The following DNAAF11 variants were observed in gnomAD, a reference collection of about 807,000 sequenced individuals.
DNAAF11 encodes the protein leucine rich repeat containing 6.
A neutral mutation model predicts 60.8 loss-of-function variants in DNAAF11; 45 were observed. That is an observed-to-expected ratio of 0.74 (90% CI 0.58 to 0.95). DNAAF11 has a LOEUF of 0.95. DNAAF11 is among the 40% of genes least tolerant of loss of function. The pLI, the probability that DNAAF11 is intolerant of heterozygous loss-of-function variation, is 0.00. For missense variants in DNAAF11, 546 were observed against 546.2 expected (o/e 1.00, Z 0.00); for synonymous variants, 191 against 183.5 (o/e 1.04, Z -0.33).
chr8:132,681,467 G>A, the DNAAF11 span, among the ~76,000 whole-genome samples: 4 of 151,952 alleles, frequency 2.6e-5, no homozygotes, highest in Non-Finnish European at 5.9e-5. Flanking sequence ...AAACTTAACT[G>A]TATCGCTTGT....
rs377220897 is a variant in DNAAF11, at chr8:132,583,688, T to C, written c.1226+6A>G. The C allele has an allele frequency of 1.9e-4, 301 of 1,610,050 alleles. No homozygotes were observed. In the African/African-American group the frequency reaches 3.7e-3, roughly 20 times the overall value. On this transcript the variant is annotated splice_donor_region_variant and intron_variant, in intron 11 of 11. Coordinates refer to ENST00000620350, the MANE Select transcript of DNAAF11 (RefSeq NM_012472.6). ...TACAGCTAAGGACAGTCTGGGAGGG[T>C]GGTACCTTGTATTTGTTTGTTCTCT...
At chr8:132,677,666 C>G (rs1357915797), upstream of DNAAF11, among the ~76,000 whole-genome samples, 2 of 152,040 alleles carry the variant, frequency 1.3e-5, no homozygotes, top group East Asian at 3.9e-4. Context: ...ACTGCTTGAG[C>G]CCAGGAGTTC....
chr8:132,681,523 T>G, the DNAAF11 span, among the ~76,000 whole-genome samples: 2 of 152,082 alleles, frequency 1.3e-5, no homozygotes, highest in Non-Finnish European at 2.9e-5. Flanking sequence ...GTTGATCTAC[T>G]GCATCCAACA....
At chr8:132,690,455 A>T in the DNAAF11 span, among the ~76,000 whole-genome samples, 89,762 of 152,080 alleles carry the variant, frequency 0.59, 29,211 homozygotes, top group African/African-American at 0.89. Context: ...CTTGCCGAAC[A>T]GTGAGTCAAT....
At chr8:132,691,135 T>C in the DNAAF11 span, among the ~76,000 whole-genome samples, 1 of 152,156 alleles carries the variant, frequency 6.6e-6, no homozygotes, top group African/African-American at 2.4e-5. Context: ...TTCTTCTCCA[T>C]AGGAGAAGAG....
intron 3 of DNAAF11, chr8:132,643,652 T>A (rs1395474496): frequency 2.2e-6 from 1 of 456,220 alleles, no homozygotes; most frequent in East Asian, 6.9e-5. Flanking sequence ...GAACAAAATC[T>A]GCATCGTCCA....
chr8:132,701,102 G>C, the DNAAF11 span, among the ~76,000 whole-genome samples: 2 of 152,172 alleles, frequency 1.3e-5, no homozygotes, highest in African/African-American at 4.8e-5. Flanking sequence ...TGTCTATGAA[G>C]AGGGAGCCCT....
chr8:132,682,974 T>C, the DNAAF11 span, among the ~76,000 whole-genome samples: 1 of 152,144 alleles, frequency 6.6e-6, no homozygotes, highest in African/African-American at 2.4e-5. Flanking sequence ...CACTCATCTA[T>C]TTATGAGGGA....
In DNAAF11 at chr8:132,632,907, A is replaced by C. The variant is rs1820945394; in HGVS notation, c.486T>G (p.Tyr162Ter). The C allele has an allele frequency of 6.2e-7, 1 of 1,613,794 alleles. No homozygotes were observed. Among genetic ancestry groups the C allele is most frequent in the Non-Finnish European group, 8.5e-7 (1 of 1,179,918 alleles). ...PSERIKALQD[Y>*]SVIEPQIREQ... ...CTCTGATTTGTGGTTCAATTACTGA[A>C]TAGTCCTGCAATGCCTTAATCCTTT... Residue 162 changes from tyrosine (Y) to a stop codon, truncating the protein, a stop_gained, in exon 5 of 12, where the codon TAT becomes TAG. Coordinates refer to ENST00000620350, the MANE Select transcript of DNAAF11 (RefSeq NM_012472.6). LOFTEE classifies it high-confidence loss of function.
At chr8:132,639,678 G>A (rs920077315) in intron 3 of DNAAF11, among the ~76,000 whole-genome samples, 3 of 152,096 alleles carry the variant, frequency 2.0e-5, no homozygotes, top group African/African-American at 4.8e-5. Context: ...AGAATTCCAC[G>A]TTTTCCTCTT....
chr8:132,649,372 T>C (rs1179175514), intron 3 of DNAAF11, among the ~76,000 whole-genome samples: 1 of 152,292 alleles, frequency 6.6e-6, no homozygotes, highest in Non-Finnish European at 1.5e-5. Context: ...TAATTTGAGA[T>C]GGATTAAAGA....
chr8:132,645,152 G>C (rs934906370), intron 3 of DNAAF11, among the ~76,000 whole-genome samples: 1 of 152,308 alleles, frequency 6.6e-6, no homozygotes, highest in East Asian at 1.9e-4. Flanking sequence ...GGTAGGATCA[G>C]GCAGCAACAT....
intron 11 of DNAAF11, among the ~76,000 whole-genome samples, chr8:132,576,855 C>T (rs1316179019): frequency 2.0e-5 from 3 of 152,176 alleles, no homozygotes; most frequent in Non-Finnish European, 4.4e-5. Flanking sequence ...ATCCCTTCCC[C>T]ACCTCACTGA....
chr8:132,600,262 A>G (rs529342661), intron 10 of DNAAF11, among the ~76,000 whole-genome samples: 2,190 of 152,126 alleles, frequency 0.014, 53 homozygotes, highest in African/African-American at 0.05. Context: ...ACTGCTCAAC[A>G]AAATAAAAGA....
At chr8:132,687,133 T>A in the DNAAF11 span, among the ~76,000 whole-genome samples, 2 of 152,202 alleles carry the variant, frequency 1.3e-5, no homozygotes, top group African/African-American at 4.8e-5. Flanking sequence ...CCAGTTGTAG[T>A]CTAACTGTTG....
chr8:132,589,202 A>G (rs147611572), intron 10 of DNAAF11, among the ~76,000 whole-genome samples: 44 of 152,338 alleles, frequency 2.9e-4, no homozygotes, highest in Non-Finnish European at 5.7e-4. Context: ...CATGTAGTAG[A>G]TAAGGAATAT....
chr8:132,689,992 A>G, the DNAAF11 span, among the ~76,000 whole-genome samples: 1 of 152,216 alleles, frequency 6.6e-6, no homozygotes, highest in Non-Finnish European at 1.5e-5. Context: ...CTGGGATTAC[A>G]GGCATGAACC....
chr8:132,656,788 C>G, intron 3 of DNAAF11, 42 bp downstream of exon 3: 1 of 928,584 alleles, frequency 1.1e-6, no homozygotes, highest in Non-Finnish European at 1.7e-6. Flanking sequence ...CTTAAAATCT[C>G]AATTTTAATT....
At chr8:132,660,806 A>T (rs1824059674) in intron 2 of DNAAF11, among the ~76,000 whole-genome samples, 1 of 152,198 alleles carries the variant, frequency 6.6e-6, no homozygotes, top group Admixed American at 6.5e-5. Flanking sequence ...GGGGAGGAGA[A>T]ACTTGTGGTT....
Sources: allele counts gnomAD v4.1 joint callset (sites outside exome capture counted in the v4.1 genomes callset), GRCh38; gene constraint gnomAD v4.1.1; transcripts MANE v1.5; gene names NCBI Gene and HGNC (gene_info 2026-07-23, HGNC 2026-07-21).